The following PDGFC variants were observed in gnomAD, a reference collection of about 807,000 sequenced individuals.
PDGFC encodes the protein platelet derived growth factor C.
A neutral mutation model predicts 35.5 loss-of-function variants in PDGFC; 12 were observed. The observed-to-expected ratio is 0.34, with a 90% confidence interval of 0.22 to 0.55. The LOEUF (loss-of-function observed/expected upper bound fraction) is 0.55. Ranked by LOEUF, PDGFC falls within the 20% of genes least tolerant of loss-of-function variation. PDGFC has a pLI of 0.91. For synonymous variants in PDGFC, 159 were observed against 148.8 expected (o/e 1.07, Z -0.50); for missense variants, 322 against 412.4 (o/e 0.78, Z 1.90).
intron 2 of PDGFC, among the ~76,000 whole-genome samples, chr4:156,826,428 C>G (rs992481362): frequency 6.6e-6 from 1 of 151,884 alleles, no homozygotes; most frequent in Admixed American, 6.6e-5. Flanking sequence ...GTCTTGAACT[C>G]CTGACCTCAG....
rs548597565 is a variant in PDGFC, at chr4:156,856,073, G to A, written c.119-5657C>T. Among the ~76,000 whole-genome samples the A allele has an allele frequency of 1.1e-3, 173 of 152,174 alleles. 2 individuals are homozygous for A. In the Middle Eastern group the frequency reaches 0.027, roughly 24 times the overall value. On this transcript the variant is annotated intron_variant, in intron 1 of 5. Transcript: ENST00000502773. Reference sequence around the variant, plus strand: ...TAAAAGTATAATGATGGGCTAGAGGGAAAAGAGACTCTAGTTTCTGCTTTA... The same window carrying A: ...TAAAAGTATAATGATGGGCTAGAGGAAAAAGAGACTCTAGTTTCTGCTTTA...
intron 1 of PDGFC, among the ~76,000 whole-genome samples, chr4:156,891,299 A>G (rs1457426167): frequency 1.7e-5 from 1 of 57,560 alleles, no homozygotes; most frequent in Non-Finnish European, 3.3e-5. Flanking sequence ...AAAAAAAAAA[A>G]AAAAAAAAAA....
At chr4:156,815,322 TTACACACAC>T (rs1162085900) in intron 2 of PDGFC, among the ~76,000 whole-genome samples, 1 of 115,958 alleles carries the variant, frequency 8.6e-6, no homozygotes, top group African/African-American at 3.8e-5. Context: ...AAATAATTTT[TTACACACAC>T]ACACACACAC....
intron 1 of PDGFC, among the ~76,000 whole-genome samples, chr4:156,892,248 T>C (rs1479377262): frequency 6.6e-6 from 1 of 152,206 alleles, no homozygotes; most frequent in Non-Finnish European, 1.5e-5. Flanking sequence ...ATTGTTGCAA[T>C]AATCACAGTG....
chr4:156,970,845 G>A lies in PDGFC; in HGVS notation c.59C>T (p.Thr20Ile), dbSNP rs561086846. 2.2e-5 allele frequency: 36 copies of A among 1,614,056 alleles called. No homozygotes were observed. The South Asian group carries it at 3.3e-4, about 15-fold the overall frequency. ...TSALAGQRQG[T>I]QAESNLSSKF... The stretch of plus-strand genomic sequence containing the variant: ...ACTACTCAGGTTGGATTCCGCCTGA[G>A]TCCCCTGTCTCTGGCCGGCCAGGGC... Residue 20 changes from threonine (T) to isoleucine (I), a missense_variant, in exon 1 of 6, where the codon ACT becomes ATT. Coordinates refer to ENST00000502773, the MANE Select transcript of PDGFC (RefSeq NM_016205.3).
chr4:156,890,841 TC>T (rs1730486402), intron 1 of PDGFC, among the ~76,000 whole-genome samples: 1 of 152,164 alleles, frequency 6.6e-6, no homozygotes, highest in Non-Finnish European at 1.5e-5. Context: ...AAGGTAACAT[TC>T]CCTAAGAGTA....
At chr4:156,870,173 G>A (rs1234227160) in intron 1 of PDGFC, among the ~76,000 whole-genome samples, 1 of 152,072 alleles carries the variant, frequency 6.6e-6, no homozygotes, top group Non-Finnish European at 1.5e-5. Flanking sequence ...TAACCGAAGT[G>A]ATTCATTTAC....
chr4:156,852,070 T>G (rs1010194553), intron 1 of PDGFC, among the ~76,000 whole-genome samples: 1 of 151,732 alleles, frequency 6.6e-6, no homozygotes. Context: ...TTAAAAAAAG[T>G]AAAAGCCTTA....
At chr4:156,871,400 G>C (rs999993518) in intron 1 of PDGFC, among the ~76,000 whole-genome samples, 6 of 152,060 alleles carry the variant, frequency 3.9e-5, no homozygotes, top group Non-Finnish European at 7.4e-5. Context: ...GCATTATTCT[G>C]AGATTTTGAT....
chr4:156,764,174 AT>A (rs1560801517), intron 5 of PDGFC, among the ~76,000 whole-genome samples: 1 of 152,206 alleles, frequency 6.6e-6, no homozygotes, highest in Non-Finnish European at 1.5e-5. Flanking sequence ...TCATAAAGCC[AT>A]TTCTAAAAGC....
At chr4:156,943,232 A>T (rs2110913493) in intron 1 of PDGFC, among the ~76,000 whole-genome samples, 1 of 152,188 alleles carries the variant, frequency 6.6e-6, no homozygotes, top group South Asian at 2.1e-4. Flanking sequence ...TTAGGCAGGG[A>T]ATTAATACCT....
intron 3 of PDGFC, among the ~76,000 whole-genome samples, chr4:156,806,232 T>C (rs1242024208): frequency 6.6e-6 from 1 of 152,044 alleles, no homozygotes; most frequent in Non-Finnish European, 1.5e-5. Flanking sequence ...TGAGTTAAAG[T>C]ACTCTTCAGT....
chr4:156,968,802 C>T (rs1732523491), intron 1 of PDGFC, among the ~76,000 whole-genome samples: 1 of 152,098 alleles, frequency 6.6e-6, no homozygotes, highest in Non-Finnish European at 1.5e-5. Context: ...TAATCCTCTA[C>T]CCACAGATTA....
chr4:156,809,771 G>A (rs1404795767), intron 3 of PDGFC, among the ~76,000 whole-genome samples: 2 of 151,312 alleles, frequency 1.3e-5, no homozygotes, highest in East Asian at 1.9e-4. Flanking sequence ...TTCTATAGGA[G>A]GACAGTAGAT....
At chr4:156,849,987 A>T (rs754341020) in intron 2 of PDGFC, among the ~76,000 whole-genome samples, 18 of 152,046 alleles carry the variant, frequency 1.2e-4, no homozygotes, top group Non-Finnish European at 2.2e-4. Context: ...ACCATAAATT[A>T]TATTAAATAA....
chr4:156,863,789 G>A (rs531961400), intron 1 of PDGFC, among the ~76,000 whole-genome samples: 2 of 152,160 alleles, frequency 1.3e-5, no homozygotes, highest in East Asian at 1.9e-4. Context: ...GAGAAGACAA[G>A]AGATCATTCC....
At chr4:156,781,034 C>T (rs1311853758) in intron 3 of PDGFC, among the ~76,000 whole-genome samples, 2 of 152,156 alleles carry the variant, frequency 1.3e-5, no homozygotes, top group African/African-American at 4.8e-5. Context: ...TTTCTGTCTA[C>T]ATGCTTCCCC....
At chr4:156,770,480 G>C (rs1385403914) in intron 4 of PDGFC, 4 of 151,712 alleles carry the variant, frequency 2.6e-5, no homozygotes, top group South Asian at 2.1e-4. Context: ...AGTACTTTTG[G>C]GGGGGGAAGG....
At chr4:156,970,656 C>A in intron 1 of PDGFC, 130 bp downstream of exon 1, 2 of 689,874 alleles carry the variant, frequency 2.9e-6, no homozygotes, top group Non-Finnish European at 5.3e-6. Context: ...ATGAACGCAG[C>A]GCACATTTGC....
Sources: gnomAD v4.1 joint callset for allele counts (sites outside exome capture counted in the v4.1 genomes callset) on GRCh38, gnomAD v4.1.1 for gene constraint, MANE v1.5 for transcripts, NCBI Gene and HGNC (gene_info 2026-07-23, HGNC 2026-07-21) for gene names.